ITPRID1: variants seen among roughly 807,000 people sequenced by gnomAD.
The protein encoded by ITPRID1 is protein ITPRID1.
Under a neutral mutation model 95.4 loss-of-function variants are expected in ITPRID1, and 96 were observed. The observed-to-expected ratio is 1.01, with a 90% confidence interval of 0.85 to 1.19. The LOEUF is 1.19. Among genes scored for constraint, ITPRID1 ranks in the 50% most tolerant of loss-of-function variants. The pLI, the probability that ITPRID1 is intolerant of heterozygous loss-of-function variation, is 0.00. For synonymous variants in ITPRID1, 510 were observed against 453.6 expected (o/e 1.12, Z -1.58); for missense variants, 1,339 against 1,252.9 (o/e 1.07, Z -1.04).
chr7:31,584,878 C>T (rs1785531098), intron 10 of ITPRID1, among the ~76,000 whole-genome samples: 1 of 152,138 alleles, frequency 6.6e-6, no homozygotes, highest in African/African-American at 2.4e-5. Flanking sequence ...ACTATTTTGA[C>T]CAAAATATTA....
At chr7:31,632,363 G>A (rs1426271124) in intron 10 of ITPRID1, among the ~76,000 whole-genome samples, 1 of 152,076 alleles carries the variant, frequency 6.6e-6, no homozygotes, top group African/African-American at 2.4e-5. Flanking sequence ...CAGGAGAATC[G>A]CTTGAACCCG....
intron 10 of ITPRID1, 33 bp downstream of exon 10, chr7:31,583,224 A>G (rs376851028): frequency 1.8e-4 from 262 of 1,441,094 alleles, no homozygotes; most frequent in Non-Finnish European, 2.4e-4. Context: ...GATCTCATCA[A>G]TGGTCTTTCA....
Position 31,587,343 on chromosome 7 carries a change from T to C in ITPRID1, c.1228+4152T>C, listed in dbSNP as rs866027762. Among the ~76,000 whole-genome samples the C allele has an allele frequency of 5.0e-3, 760 of 151,904 alleles. 4 individuals carry two copies. Among genetic ancestry groups the C allele is most frequent in the Non-Finnish European group, 8.8e-3 (601 of 67,930 alleles). ...AATCACAAGCATTCTTATACACCAA[T>C]AACAGACAAACAGAGAGCCAAATCA... On this transcript the variant is annotated intron_variant, in intron 10 of 14. Coordinates refer to ENST00000615280, the MANE Select transcript of ITPRID1 (RefSeq NM_001257967.3).
rs966626106 is a variant in ITPRID1, at chr7:31,609,159, T to C, written c.1228+25968T>C. On this transcript the variant is annotated intron_variant, in intron 10 of 14. Transcript: ENST00000615280. ...TTCAGATGTTAAAATAGCCTTGCAT[T>C]CCTGAGATGGGTTCCACATAATCAT... is the stretch of plus-strand genomic sequence containing the variant. Among the ~76,000 whole-genome samples the C allele has an allele frequency of 1.2e-4, 18 of 151,814 alleles. No individual in the cohort carries two copies. In the East Asian group the frequency reaches 3.5e-3, roughly 29 times the overall value.
chr7:31,574,496 G>A (rs978839529), intron 7 of ITPRID1, 44 bp from the exon 8 acceptor site: 24 of 1,569,518 alleles, frequency 1.5e-5, no homozygotes, highest in Non-Finnish European at 2.1e-5. Context: ...AATGGTGTTG[G>A]GTTAACTGTT....
At chr7:31,658,492 C>T, downstream of ITPRID1, 1 of 1,057,344 alleles carries the variant, frequency 9.5e-7, no homozygotes. Context: ...AAGTGGTGCC[C>T]CTTTGAGAAG....
chr7:31,614,061 G>T (rs1195959997), intron 10 of ITPRID1, among the ~76,000 whole-genome samples: 2 of 152,152 alleles, frequency 1.3e-5, no homozygotes, highest in Non-Finnish European at 2.9e-5. Context: ...CCAGGGTTGG[G>T]AGTTGAATGC....
intron 1 of ITPRID1, among the ~76,000 whole-genome samples, chr7:31,544,022 C>T (rs1341952224): frequency 6.6e-6 from 1 of 152,060 alleles, no homozygotes; most frequent in Non-Finnish European, 1.5e-5. Flanking sequence ...CATTGTATTG[C>T]CTTTGCTTCT....
At chr7:31,537,236 AGAGAGATTGT>A (rs2045332607) in intron 1 of ITPRID1, among the ~76,000 whole-genome samples, 1 of 152,052 alleles carries the variant, frequency 6.6e-6, no homozygotes. Context: ...AGGTCATAGA[AGAGAGATTGT>A]GAGTGGCCCA....
chr7:31,618,831 G>A (rs1787520334), intron 10 of ITPRID1, among the ~76,000 whole-genome samples: 1 of 152,174 alleles, frequency 6.6e-6, no homozygotes, highest in African/African-American at 2.4e-5. Context: ...CAAATTATAT[G>A]CCGCAAATAT....
At chr7:31,541,185 A>C (rs1039611136) in intron 1 of ITPRID1, among the ~76,000 whole-genome samples, 6 of 152,222 alleles carry the variant, frequency 3.9e-5, no homozygotes, top group African/African-American at 1.2e-4. Context: ...GACTTTGAAA[A>C]GCAAAACAAA....
At chr7:31,549,578 T>C (rs1468040295) in intron 2 of ITPRID1, 79 bp downstream of exon 2, 1 of 1,015,612 alleles carries the variant, frequency 9.8e-7, no homozygotes, top group Non-Finnish European at 1.4e-6. Flanking sequence ...ATTATAGATA[T>C]GAGGAAATAG....
chr7:31,638,881 A>T (rs927703287), intron 10 of ITPRID1, among the ~76,000 whole-genome samples: 3 of 152,042 alleles, frequency 2.0e-5, no homozygotes, highest in African/African-American at 7.2e-5. Context: ...GGTTCGAGCA[A>T]TTCTTTTGCC....
At chr7:31,639,158 C>G (rs932164215) in intron 10 of ITPRID1, among the ~76,000 whole-genome samples, 1 of 152,160 alleles carries the variant, frequency 6.6e-6, no homozygotes. Flanking sequence ...GTGAAACAAA[C>G]TTTTCTTTGA....
intron 10 of ITPRID1, among the ~76,000 whole-genome samples, chr7:31,597,746 C>T (rs1786149302): frequency 6.6e-6 from 1 of 152,010 alleles, no homozygotes; most frequent in Non-Finnish European, 1.5e-5. Context: ...TATAACAATG[C>T]TAATAAGTTT....
At chr7:31,552,702 T>A (rs879432372) in intron 2 of ITPRID1, among the ~76,000 whole-genome samples, 15 of 152,182 alleles carry the variant, frequency 9.9e-5, no homozygotes, top group African/African-American at 3.6e-4. Context: ...CAAGTCTAAT[T>A]TCTTTGCTCT....
chr7:31,594,739 C>G (rs1226209717), intron 10 of ITPRID1, among the ~76,000 whole-genome samples: 1 of 151,976 alleles, frequency 6.6e-6, no homozygotes, highest in Non-Finnish European at 1.5e-5. Context: ...CGCCTGTTGT[C>G]CCAGCTACTT....
intron 1 of ITPRID1, among the ~76,000 whole-genome samples, chr7:31,540,312 A>G (rs1783893899): frequency 6.6e-6 from 1 of 152,078 alleles, no homozygotes; most frequent in Admixed American, 6.5e-5. Context: ...CAGTGAAGAG[A>G]TTTCCTCCTG....
intron 10 of ITPRID1, among the ~76,000 whole-genome samples, chr7:31,583,628 G>GA (rs1785486473): frequency 6.6e-6 from 1 of 151,954 alleles, no homozygotes; most frequent in Non-Finnish European, 1.5e-5. Flanking sequence ...AACTCCATCT[G>GA]AAAAAAACAA....
Sources: allele counts gnomAD v4.1 joint callset (sites outside exome capture counted in the v4.1 genomes callset), GRCh38; gene constraint gnomAD v4.1.1; transcripts MANE v1.5; gene names NCBI Gene and HGNC (gene_info 2026-07-23, HGNC 2026-07-21).